Variants in CHCHD6 observed in about 807,000 individuals in gnomAD.
The protein encoded by CHCHD6 is coiled-coil-helix-coiled-coil-helix domain containing 6.
Under a neutral mutation model 32.3 loss-of-function variants are expected in CHCHD6, and 28 were observed. That is an observed-to-expected ratio of 0.87 (90% confidence interval 0.64 to 1.19). The LOEUF is 1.19. CHCHD6 is among the 50% of genes most tolerant of loss of function. The probability of loss-of-function intolerance (pLI) is 0.00; values close to 1 mark genes in which losing one functional copy is unlikely to be tolerated. For synonymous variants in CHCHD6, 122 were observed against 117.5 expected, an observed-to-expected ratio of 1.04 and a Z score of -0.25; for missense variants, 333 against 307.0, an observed-to-expected ratio of 1.08 and a Z score of -0.63.
intron 5 of CHCHD6, among the ~76,000 whole-genome samples, chr3:126,883,728 C>T (rs144994491): frequency 6.6e-6 from 1 of 152,294 alleles, no homozygotes; most frequent in Admixed American, 6.5e-5. Flanking sequence ...CAGCACAACC[C>T]GTGTGCCATG....
rs555128080 is a variant in CHCHD6 at position 126,821,918 on chromosome 3, T to A, written c.412-30729T>A. 2.6e-5 allele frequency among the ~76,000 whole-genome samples: 4 copies of A among 152,368 alleles called. No homozygotes were observed. In the Middle Eastern group the frequency reaches 0.014, roughly 518 times the overall value. On this transcript the variant is annotated intron_variant, in intron 4 of 7. Coordinates refer to ENST00000290913, the MANE Select transcript of CHCHD6 (RefSeq NM_032343.3). ...ATTCCTTTGCCCATATTAGTTTATA[T>A]GTCTTTTTATTTCTGAGTTGGAGAA...
At chr3:126,947,603 C>A (rs1277360501) in intron 6 of CHCHD6, among the ~76,000 whole-genome samples, 2 of 152,192 alleles carry the variant, frequency 1.3e-5, no homozygotes, top group Non-Finnish European at 2.9e-5. Context: ...GACTTACCAA[C>A]CCCGTCTGCA....
intron 4 of CHCHD6, among the ~76,000 whole-genome samples, chr3:126,780,005 C>T (rs1277306561): frequency 1.3e-5 from 2 of 152,196 alleles, no homozygotes; most frequent in African/African-American, 4.8e-5. Context: ...TCCTTTTGGT[C>T]AGTTAAGTGT....
At chr3:126,957,238 G>A (rs534587413) in intron 6 of CHCHD6, 178 bp from the exon 7 acceptor site, 10 of 697,306 alleles carry the variant, frequency 1.4e-5, no homozygotes, top group Admixed American at 7.4e-5. Context: ...CCCTGCGACC[G>A]TCCTCTCATT....
chr3:126,748,847 C>T (rs1936611908), intron 4 of CHCHD6, among the ~76,000 whole-genome samples: 1 of 152,080 alleles, frequency 6.6e-6, no homozygotes, highest in South Asian at 2.1e-4. Context: ...CAGAAGTGAC[C>T]CGATCCTGAC....
intron 1 of CHCHD6, among the ~76,000 whole-genome samples, chr3:126,726,146 A>C (rs951656218): frequency 6.6e-6 from 1 of 152,182 alleles, no homozygotes; most frequent in Non-Finnish European, 1.5e-5. Flanking sequence ...TGTAGTTTTT[A>C]ATTTAAAGTG....
In CHCHD6 at chr3:126,864,807, C is replaced by CTCCTCCTCCAGCATCATCTCCTCT. The variant is rs1157508146; in HGVS notation, c.495+12088_495+12111dup. Among the ~76,000 whole-genome samples, 5 of 149,570 alleles carry CTCCTCCTCCAGCATCATCTCCTCT rather than the reference C, an allele frequency of 3.3e-5. No homozygotes were observed. In the East Asian group the frequency reaches 1.0e-3, roughly 30 times the overall value. ...CCATCACCTCCTCCTCCACCGTCAC[C>CTCCTCCTCCAGCATCATCTCCTCT]TCCTCCTCCAGCATCATCTCCTCTT... On this transcript the variant is annotated intron_variant, in intron 5 of 7. Coordinates refer to ENST00000290913, the MANE Select transcript of CHCHD6 (RefSeq NM_032343.3).
chr3:126,795,342 A>G (rs1248650882), intron 4 of CHCHD6, among the ~76,000 whole-genome samples: 3 of 152,242 alleles, frequency 2.0e-5, no homozygotes, highest in Non-Finnish European at 4.4e-5. Context: ...TATGGAAAGC[A>G]TTAAATAAGA....
intron 6 of CHCHD6, among the ~76,000 whole-genome samples, chr3:126,922,643 G>C (rs1201539304): frequency 6.6e-6 from 1 of 152,028 alleles, no homozygotes; most frequent in African/African-American, 2.4e-5. Flanking sequence ...GTGTGTGTGT[G>C]TGTGTGTGTG....
intron 1 of CHCHD6, among the ~76,000 whole-genome samples, chr3:126,706,731 T>G (rs1340846254): frequency 6.6e-6 from 1 of 152,030 alleles, no homozygotes; most frequent in African/African-American, 2.4e-5. Flanking sequence ...GTGTAGAGGC[T>G]TTTTCTGTTA....
intron 4 of CHCHD6, among the ~76,000 whole-genome samples, chr3:126,762,794 T>C (rs1324389517): frequency 6.6e-6 from 1 of 152,226 alleles, no homozygotes; most frequent in Non-Finnish European, 1.5e-5. Flanking sequence ...TCTTGATGAA[T>C]TGACCCTTTT....
At chr3:126,908,760 G>T (rs991370578) in intron 5 of CHCHD6, among the ~76,000 whole-genome samples, 3 of 152,232 alleles carry the variant, frequency 2.0e-5, no homozygotes, top group Non-Finnish European at 2.9e-5. Flanking sequence ...AACAGGTATT[G>T]AATATTTACT....
intron 5 of CHCHD6, among the ~76,000 whole-genome samples, chr3:126,885,881 G>A (rs917583701): frequency 8.5e-5 from 13 of 152,242 alleles, no homozygotes; most frequent in Admixed American, 5.9e-4. Flanking sequence ...GGATGATGCT[G>A]ACAGGAGACA....
At chr3:126,775,855 A>T (rs1208211069) in intron 4 of CHCHD6, among the ~76,000 whole-genome samples, 1 of 152,210 alleles carries the variant, frequency 6.6e-6, no homozygotes. Context: ...TGCTGGGGTC[A>T]TGTTCCTCAG....
intron 4 of CHCHD6, among the ~76,000 whole-genome samples, chr3:126,785,416 CATTTT>C (rs1163246835): frequency 6.6e-6 from 1 of 152,184 alleles, no homozygotes; most frequent in Non-Finnish European, 1.5e-5. Context: ...AACACATGAA[CATTTT>C]ATCTTCTAGC....
In CHCHD6 at chr3:126,903,443, CA is replaced by C. The variant is rs1439417615; in HGVS notation, c.496-11235del. Among the ~76,000 whole-genome samples, 8 of 152,278 alleles carry C rather than the reference CA, an allele frequency of 5.3e-5. No individual in the cohort carries two copies. In the East Asian group the frequency reaches 1.5e-3, roughly 29 times the overall value. On this transcript the variant is annotated intron_variant, in intron 5 of 7. Transcript: ENST00000290913. ...TCTACTCTGTTACAGAGAATTGTAG[CA>C]ATCCACACCATCAAGACCCTGTACA...
chr3:126,834,786 C>T lies in CHCHD6; in HGVS notation c.412-17861C>T, dbSNP rs77480416. ...TACTTGGAAATTGGACAGAACCTCCCCAAGACTCCAACACGGGATTTAATA... is the reference window on the plus strand; with the variant it reads ...TACTTGGAAATTGGACAGAACCTCCTCAAGACTCCAACACGGGATTTAATA... On this transcript the variant is annotated intron_variant, in intron 4 of 7. Transcript: ENST00000290913. Among the ~76,000 whole-genome samples, 479 of 152,236 alleles carry T rather than the reference C, an allele frequency of 3.1e-3. 7 individuals are homozygous for T. Among genetic ancestry groups the T allele is most frequent in the South Asian group, 0.031 (148 of 4,814 alleles).
At chr3:126,891,075 A>G (rs1480038245) in intron 5 of CHCHD6, among the ~76,000 whole-genome samples, 2 of 152,184 alleles carry the variant, frequency 1.3e-5, no homozygotes, top group Admixed American at 1.3e-4. Flanking sequence ...CTGGGGAGTT[A>G]GCAATAAACA....
At chr3:126,736,014 A>G (rs1006132451) in intron 4 of CHCHD6, among the ~76,000 whole-genome samples, 15 of 152,244 alleles carry the variant, frequency 9.9e-5, no homozygotes, top group African/African-American at 3.6e-4. Context: ...TAACCAAGGC[A>G]GTCAACTAAA....
Sources: gnomAD v4.1 joint callset for allele counts (sites outside exome capture counted in the v4.1 genomes callset) on GRCh38, gnomAD v4.1.1 for gene constraint, MANE v1.5 for transcripts, NCBI Gene and HGNC (gene_info 2026-07-23, HGNC 2026-07-21) for gene names.